PHF20L1: variants seen among roughly 807,000 people sequenced by gnomAD.
The protein encoded by PHF20L1 is PHD finger protein 20-like protein 1.
PHF20L1 carries 44 observed loss-of-function variants against 125.5 expected under a neutral mutation model. The observed-to-expected ratio is 0.35, with a 90% CI of 0.28 to 0.45. The LOEUF (loss-of-function observed/expected upper bound fraction) is 0.45. Among genes scored for constraint, PHF20L1 ranks in the 20% least tolerant of loss-of-function variants. The pLI is 1.00. For missense variants in PHF20L1, 1,012 were observed against 1,217.2 expected, an observed-to-expected ratio of 0.83 and a Z score of 2.51; for synonymous variants, 380 against 403.1, an observed-to-expected ratio of 0.94 and a Z score of 0.69.
At chr8:132,795,682 G>A (rs1221775305) in intron 4 of PHF20L1, among the ~76,000 whole-genome samples, 2 of 151,872 alleles carry the variant, frequency 1.3e-5, no homozygotes, top group South Asian at 4.1e-4. Flanking sequence ...CCTTATCCAC[G>A]GGGGATACAT....
chr8:132,829,020 G>GA (rs1836492910), intron 14 of PHF20L1, among the ~76,000 whole-genome samples: 1 of 151,946 alleles, frequency 6.6e-6, no homozygotes, highest in Admixed American at 6.6e-5. Flanking sequence ...ATCAAGGAAG[G>GA]GACTTTATGT....
At chr8:132,834,621 G>T (rs556518766) in intron 15 of PHF20L1, among the ~76,000 whole-genome samples, 25 of 151,920 alleles carry the variant, frequency 1.6e-4, no homozygotes, top group African/African-American at 6.0e-4. Context: ...GGTGTGAGCC[G>T]CTGTGCCCGG....
intron 12 of PHF20L1, among the ~76,000 whole-genome samples, chr8:132,819,181 AAC>A (rs1192537664): frequency 1.3e-5 from 2 of 151,954 alleles, no homozygotes; most frequent in African/African-American, 4.8e-5. Flanking sequence ...TATTAGCAGT[AAC>A]TATTGGAAAA....
At chr8:132,827,805 A>G (rs1167315884) in intron 14 of PHF20L1, among the ~76,000 whole-genome samples, 1 of 152,090 alleles carries the variant, frequency 6.6e-6, no homozygotes, top group South Asian at 2.1e-4. Context: ...AAAACCTTAT[A>G]TATTTGTTTA....
chr8:132,820,072 G>T (rs997204056), intron 12 of PHF20L1, among the ~76,000 whole-genome samples: 1 of 151,750 alleles, frequency 6.6e-6, no homozygotes, highest in East Asian at 2.0e-4. Context: ...ATAATCTCTC[G>T]TATGTTCTTC....
chr8:132,825,109 C>G, intron 13 of PHF20L1, 155 bp from the exon 14 acceptor site: 1 of 1,533,772 alleles, frequency 6.5e-7, no homozygotes, highest in Non-Finnish European at 8.9e-7. Flanking sequence ...ATCAGGACTT[C>G]CAGAGTCATG....
At chr8:132,783,165 G>A (rs1830628896) in intron 2 of PHF20L1, among the ~76,000 whole-genome samples, 1 of 152,074 alleles carries the variant, frequency 6.6e-6, no homozygotes, top group Admixed American at 6.5e-5. Flanking sequence ...ACATTCAGAT[G>A]AGATATGCTC....
At position 132,825,362 on chromosome 8, in the gene PHF20L1, A is replaced by G. The variant is rs551682959; in HGVS notation, c.1735A>G (p.Lys579Glu). The G allele has an allele frequency of 2.7e-6, 4 of 1,501,092 alleles. No individual in the cohort carries two copies. In the South Asian group the frequency reaches 5.0e-5, roughly 19 times the overall value. 93.0% of individuals were successfully genotyped at this position (1,501,092 alleles called of 1,614,324 possible). A position where few individuals can be genotyped will look rare whatever the true frequency, so the allele number is the denominator to read the frequency against. ...KKKKKKKKKS[K>E]QHDYSDYEDS... ...GAAGAAAAAAAAGAAAAAGAAATCT[A>G]AGCAACATGGTAAGTACACTGAGAT... is the stretch of plus-strand genomic sequence containing the variant. Residue 579 changes from lysine (K) to glutamate (E), a missense_variant, in exon 14 of 21, where the codon AAG becomes GAG. Around this residue, in one of 7 missense-constraint regions of PHF20L1, gnomAD observed 320 missense variants for 293.8 expected, o/e 1.09. Transcript: ENST00000395386.
chr8:132,803,993 GAGA>G lies in PHF20L1; in HGVS notation c.688_690del (p.Lys230del). 1 of 1,612,148 alleles carries G rather than the reference GAGA, an allele frequency of 6.2e-7. No individual in the cohort carries two copies. Among genetic ancestry groups the G allele is most frequent in the African/African-American group, 1.3e-5 (1 of 74,936 alleles). ...AACTTGTATAGCCACACCAGACGTAGAGAAGAAGGAAGATCTGCCTACATCTAG... is the reference window on the plus strand; with the variant it reads ...AACTTGTATAGCCACACCAGACGTAGAGAAGGAAGATCTGCCTACATCTAG... On this transcript the variant is annotated inframe_deletion, in exon 7 of 21. Transcript: ENST00000395386.
chr8:132,817,450 A>T lies in PHF20L1; in HGVS notation c.1484A>T (p.Asn495Ile). The change falls in exon 12 of 21, where the codon AAT becomes ATT. Residue 495 changes from asparagine (N) to isoleucine (I), a missense_variant. Physicochemically the swap from Asn to Ile is moderately radical, Grantham distance 149 (BLOSUM62 -3). Coordinates refer to ENST00000395386, the MANE Select transcript of PHF20L1 (RefSeq NM_016018.5). ...APVASDSSYR[N>I]ECPRAEKEDT... ...GTAGCCTCAGATTCCTCTTACCGTA[A>T]TGAATGTCCCAGGGCAGAAAAAGAG... is the stretch of plus-strand genomic sequence containing the variant. 1 of 1,612,754 alleles carries T rather than the reference A, an allele frequency of 6.2e-7. No individual in the cohort carries two copies. The highest frequency in any genetic ancestry group is 8.5e-7 in the Non-Finnish European group (1 of 1,179,224).
chr8:132,817,868 T>G, intron 12 of PHF20L1: 1 of 202,894 alleles, frequency 4.9e-6, no homozygotes, highest in Non-Finnish European at 9.9e-6. Flanking sequence ...AATTCTTACT[T>G]TTGAAGCTGG....
chr8:132,786,742 ATATTAG>A (rs1239991206), intron 2 of PHF20L1, among the ~76,000 whole-genome samples: 2 of 152,140 alleles, frequency 1.3e-5, no homozygotes, highest in Non-Finnish European at 2.9e-5. Context: ...ACTGGTAACA[ATATTAG>A]TACTTCATTT....
intron 17 of PHF20L1, 71 bp from the exon 18 acceptor site, chr8:132,839,316 G>A: frequency 8.5e-7 from 1 of 1,175,178 alleles, no homozygotes; most frequent in Non-Finnish European, 1.3e-6. Flanking sequence ...AGCAACGTTA[G>A]TAGGTTAGCA....
intron 1 of PHF20L1, among the ~76,000 whole-genome samples, chr8:132,776,702 A>G (rs1232630758): frequency 2.0e-5 from 3 of 152,196 alleles, no homozygotes; most frequent in African/African-American, 4.8e-5. Flanking sequence ...TTTGTCTATT[A>G]TGAATTGTGA....
chr8:132,794,922 T>C, intron 4 of PHF20L1, 105 bp downstream of exon 4: 1 of 683,466 alleles, frequency 1.5e-6, no homozygotes, highest in South Asian at 2.0e-5. Context: ...ACGTATAACT[T>C]TTATATTTTC....
At chr8:132,778,789 G>A (rs1830104174) in intron 2 of PHF20L1, among the ~76,000 whole-genome samples, 1 of 152,172 alleles carries the variant, frequency 6.6e-6, no homozygotes, top group African/African-American at 2.4e-5. Flanking sequence ...TAACCTGAGA[G>A]GGGCATTAGA....
intron 9 of PHF20L1, chr8:132,813,135 C>T: frequency 1.0e-6 from 1 of 972,320 alleles, no homozygotes. Flanking sequence ...GTAATGGATG[C>T]TGTAGTGATG....
Position 132,804,016 on chromosome 8 carries a change from A to G in PHF20L1, c.705A>G (p.Thr235=), listed in dbSNP as rs150468999. 1.2e-6 allele frequency: 2 copies of G among 1,605,674 alleles called. No individual in the cohort carries two copies. Among genetic ancestry groups the G allele is most frequent in the Middle Eastern group, 1.7e-4 (1 of 6,034 alleles). Residue 235 remains threonine (T), a synonymous_variant, in exon 7 of 21, where the codon ACA becomes ACG. Coordinates refer to ENST00000395386, the MANE Select transcript of PHF20L1 (RefSeq NM_016018.5). ...TAGAGAAGAAGGAAGATCTGCCTACATCTAGTGAAACATTTGGTACAAAAT... is the reference window on the plus strand; with the variant it reads ...TAGAGAAGAAGGAAGATCTGCCTACGTCTAGTGAAACATTTGGTACAAAAT... The part of the protein sequence containing the change: ...PDVEKKEDLP[T]SSETFGLHVE...
At chr8:132,837,679 C>T (rs1347148239) in intron 16 of PHF20L1, 33 bp from the exon 17 acceptor site, 28 of 1,517,588 alleles carry the variant, frequency 1.8e-5, no homozygotes, top group East Asian at 6.8e-5. Context: ...TAGTGAGGAT[C>T]GGGTGACTGT....
Sources: allele counts gnomAD v4.1 joint callset (sites outside exome capture counted in the v4.1 genomes callset), GRCh38; gene constraint gnomAD v4.1.1; regional missense constraint gnomAD v4.1.1; transcripts MANE v1.5; gene names NCBI Gene and HGNC (gene_info 2026-07-23, HGNC 2026-07-21).